MINK1: variants seen among roughly 807,000 people sequenced by gnomAD.
MINK1 encodes misshapen-like kinase 1.
In MINK1, 46 loss-of-function variants were observed where a neutral mutation model predicts 178.4. That is an observed-to-expected ratio of 0.26 (90% CI 0.20 to 0.33). MINK1 has a LOEUF of 0.33. Ranked by LOEUF, MINK1 falls within the 10% of genes least tolerant of loss-of-function variation. The pLI is 1.00. For synonymous variants in MINK1, 797 were observed against 709.7 expected (o/e 1.12, Z -1.96); for missense variants, 1,366 against 1,814.9 (o/e 0.75, Z 4.49).
intron 1 of MINK1, among the ~76,000 whole-genome samples, chr17:4,858,910 T>A (rs989515212): frequency 2.6e-5 from 4 of 151,926 alleles, no homozygotes; most frequent in Non-Finnish European, 4.4e-5. Context: ...ACTAGAGAGG[T>A]CTTCTCCCCT....
chr17:4,890,455 T>C (rs1304896439), intron 13 of MINK1, 62 bp from the exon 14 acceptor site: 2 of 1,531,450 alleles, frequency 1.3e-6, no homozygotes, highest in Non-Finnish European at 8.8e-7. Context: ...AGAGAGGGCA[T>C]GCCTGCTCTA....
intron 1 of MINK1, among the ~76,000 whole-genome samples, chr17:4,846,862 A>G (rs1228691751): frequency 6.6e-6 from 1 of 152,198 alleles, no homozygotes; most frequent in Admixed American, 6.5e-5. Flanking sequence ...AGGTGCCAGC[A>G]GTCGGCCAAG....
At position 4,895,880 on chromosome 17, in the gene MINK1, G is replaced by C. The variant is rs1969400602; in HGVS notation, c.3364+48G>C. 1 of 1,599,630 alleles carries C rather than the reference G, an allele frequency of 6.3e-7. No individual in the cohort carries two copies. Among genetic ancestry groups the C allele is most frequent in the Non-Finnish European group, 8.5e-7 (1 of 1,171,512 alleles). On this transcript the variant is annotated intron_variant, in intron 27 of 31. Transcript: ENST00000355280. The surrounding 1 kb of genome is among the most constrained non-coding windows in gnomAD (Gnocchi z 4.3). ...GCCAGCGCATACTTGTTCATGAAGA[G>C]AGAAATGGATCTGGGAGCCAGGGAC...
chr17:4,892,204 G>T lies in MINK1; in HGVS notation c.2057G>T (p.Gly686Val). 1 of 1,597,924 alleles carries T rather than the reference G, an allele frequency of 6.3e-7. No homozygotes were observed. Among genetic ancestry groups the T allele is most frequent in the South Asian group, 1.1e-5 (1 of 88,440 alleles). ...GCCCTTAACACCAGTGGGGCCGGAGGGTCCCGGCCAGCCCAGGCAGTCCGT... is the reference window on the plus strand; with the variant it reads ...GCCCTTAACACCAGTGGGGCCGGAGTGTCCCGGCCAGCCCAGGCAGTCCGT... ...ATALNTSGAG[G>V]SRPAQAVRAR... Residue 686 changes from glycine (G) to valine (V), a missense_variant, in exon 17 of 32, where the codon GGG (glycine) becomes GTG (valine). Around this residue, in one of 14 missense-constraint regions of MINK1, gnomAD observed 709 missense variants for 692.3 expected, o/e 1.02. Transcript: ENST00000355280.
In MINK1 at chr17:4,896,208, C is replaced by T. The variant is rs1247475016; in HGVS notation, c.3481C>T (p.Pro1161Ser). The T allele has an allele frequency of 3.1e-6, 5 of 1,598,292 alleles. No individual in the cohort carries two copies. The highest frequency in any genetic ancestry group is 1.7e-5 in the Admixed American group (1 of 58,346). Reference protein sequence around the residue: ...FMAFKSFADLPHRPLLVDLTV... With the variant: ...FMAFKSFADLSHRPLLVDLTV... ...TTCTCTGCAGTCCTTTGCCGACCTC[C>T]CCCACCGCCCTCTGCTGGTCGACCT... is the stretch of plus-strand genomic sequence containing the variant. Residue 1161 changes from proline to serine, a missense_variant, in exon 29 of 32, where the codon CCC (proline) becomes TCC (serine). Around this residue, in one of 14 missense-constraint regions of MINK1, gnomAD observed 201 missense variants for 240.7 expected, o/e 0.84. Transcript: ENST00000355280. The surrounding 1 kb of genome is among the most constrained non-coding windows in gnomAD (Gnocchi z 4.6).
chr17:4,880,874 T>A, intron 2 of MINK1, 110 bp from the exon 3 acceptor site: 1 of 1,118,754 alleles, frequency 8.9e-7, no homozygotes, highest in Non-Finnish European at 1.2e-6. Context: ...CACTCTAGTC[T>A]GGGCGACAGA....
chr17:4,891,740 G>C (rs1239367787), intron 16 of MINK1, 24 bp downstream of exon 16: 3 of 1,584,172 alleles, frequency 1.9e-6, no homozygotes, highest in African/African-American at 2.7e-5. Flanking sequence ...TGCAGGCCCA[G>C]GGAAAAGCAG....
At chr17:4,857,139 A>T in intron 1 of MINK1, 1 of 258,068 alleles carries the variant, frequency 3.9e-6, no homozygotes, top group South Asian at 4.3e-5. Flanking sequence ...GTCATCATTC[A>T]GGGAGTTGGC....
Position 4,892,695 on chromosome 17 carries a change from C to T in MINK1, c.2238C>T (p.Arg746=). The T allele has an allele frequency of 6.2e-7, 1 of 1,611,876 alleles. No homozygotes were observed. The change falls in exon 19 of 32, where the codon CGC becomes CGT. Residue 746 remains arginine (R), a synonymous_variant. Transcript: ENST00000355280. ...GGAGGAGCGACCCTGGCTGGGAACG[C>T]TCGGACAGCGTCCTTCCAGCCTCTC... The part of the protein sequence containing the change: ...DLRRSDPGWE[R]SDSVLPASHG...
At chr17:4,849,548 T>C (rs1451689827) in intron 1 of MINK1, among the ~76,000 whole-genome samples, 1 of 147,946 alleles carries the variant, frequency 6.8e-6, no homozygotes, top group Admixed American at 6.7e-5. Flanking sequence ...TGGCTAACTC[T>C]TGCCTGTCCC....
Position 4,890,523 on chromosome 17 carries a change from A to C in MINK1, c.1354A>C (p.Lys452Gln). 6.3e-7 allele frequency: 1 copy of C among 1,588,346 alleles called. No homozygotes were observed. Among genetic ancestry groups the C allele is most frequent in the Non-Finnish European group, 8.6e-7 (1 of 1,168,026 alleles). Reference sequence around the variant, plus strand: ...TCCCTACCCTTGGGCCCAGGAATACAAGCGGAAGCAGCTGGAGGAGCAGCG... The same window carrying C: ...TCCCTACCCTTGGGCCCAGGAATACCAGCGGAAGCAGCTGGAGGAGCAGCG... The part of the protein sequence containing the change: ...RRQAEREQEY[K>Q]RKQLEEQRQS... The change falls in exon 14 of 32, where the codon AAG becomes CAG. Residue 452 changes from lysine to glutamine, a missense_variant. Transcript: ENST00000355280.
intron 1 of MINK1, among the ~76,000 whole-genome samples, chr17:4,869,898 G>A (rs556759824): frequency 1.2e-3 from 174 of 146,128 alleles, no homozygotes; most frequent in Non-Finnish European, 2.2e-3. Flanking sequence ...GTGCAGTGGC[G>A]CAATTTTTTT....
Position 4,833,597 on chromosome 17 carries a change from C to T in MINK1, c.14C>T (p.Ala5Val). Residue 5 changes from alanine to valine, a missense_variant, in exon 1 of 32, where the codon GCC becomes GTC. This residue lies in a region of MINK1 where 22 missense variants were observed against 21.7 expected (regional missense o/e 1.01). Coordinates refer to ENST00000355280, the MANE Select transcript of MINK1 (RefSeq NM_153827.5). This position sits in a 1 kb window ranked among gnomAD's most constrained non-coding sequence, Gnocchi z 4.8. MGDP[A>V]PARSLDDIDL... ...CCCACGGAGGCCATGGGCGACCCAGCCCCCGCCCGCAGCCTGGACGACATC... is the reference window on the plus strand; with the variant it reads ...CCCACGGAGGCCATGGGCGACCCAGTCCCCGCCCGCAGCCTGGACGACATC... 6.7e-7 allele frequency: 1 copy of T among 1,499,326 alleles called. No homozygotes were observed. Among genetic ancestry groups the T allele is most frequent in the Non-Finnish European group, 8.8e-7 (1 of 1,130,492 alleles). 92.9% of individuals were successfully genotyped at this position (1,499,326 alleles called of 1,614,324 possible).
chr17:4,875,478 A>G, intron 1 of MINK1: 1 of 453,918 alleles, frequency 2.2e-6, no homozygotes, highest in Non-Finnish European at 4.4e-6. Context: ...TGACTCTAAA[A>G]AAACAAAAAT....
chr17:4,877,661 T>A (rs1967304160), intron 1 of MINK1, among the ~76,000 whole-genome samples: 1 of 151,908 alleles, frequency 6.6e-6, no homozygotes, highest in East Asian at 1.9e-4. Flanking sequence ...ATTTCTTCAC[T>A]TAAAATGTGA....
chr17:4,866,848 C>T (rs1915059667), intron 1 of MINK1, among the ~76,000 whole-genome samples: 3 of 151,470 alleles, frequency 2.0e-5, no homozygotes, highest in African/African-American at 7.3e-5. Context: ...CCGAGGCAGG[C>T]GGATCACGAG....
Position 4,891,569 on chromosome 17 carries a change from C to T in MINK1, c.1854C>T (p.Asp618=), listed in dbSNP as rs765780648. The change falls in exon 16 of 32, where the codon GAC becomes GAT. Residue 618 remains aspartate (D), a synonymous_variant. Transcript: ENST00000355280. ...TGGCTGCCTTCCCAGCCTCCCATGA[C>T]CCCGACCCTGCCATCCCCGCACCCA... ...RNLAAFPASH[D]PDPAIPAPTA... 5.6e-6 allele frequency: 9 copies of T among 1,607,236 alleles called. No individual in the cohort carries two copies. The highest frequency in any genetic ancestry group is 1.1e-5 in the South Asian group (1 of 89,594).
In MINK1 at chr17:4,891,553, T is replaced by A; in HGVS notation, c.1838T>A (p.Phe613Tyr). 1 of 1,608,386 alleles carries A rather than the reference T, an allele frequency of 6.2e-7. No homozygotes were observed. The highest frequency in any genetic ancestry group is 1.1e-5 in the South Asian group (1 of 89,794). Reference sequence around the variant, plus strand: ...CAGCCCACCCGAAACCTGGCTGCCTTCCCAGCCTCCCATGACCCCGACCCT... The same window carrying A: ...CAGCCCACCCGAAACCTGGCTGCCTACCCAGCCTCCCATGACCCCGACCCT... Reference protein sequence around the residue: ...QDQPTRNLAAFPASHDPDPAI... With the variant: ...QDQPTRNLAAYPASHDPDPAI... Residue 613 changes from phenylalanine to tyrosine, a missense_variant, in exon 16 of 32, where the codon TTC (phenylalanine) becomes TAC (tyrosine). This residue lies in a region of MINK1 where 709 missense variants were observed against 692.3 expected (regional missense o/e 1.02). Transcript: ENST00000355280.
At chr17:4,840,089 T>C (rs1909986122) in intron 1 of MINK1, among the ~76,000 whole-genome samples, 1 of 152,100 alleles carries the variant, frequency 6.6e-6, no homozygotes, top group Admixed American at 6.6e-5. Context: ...CTGAGGGCTG[T>C]GTCATGGAAA....
Sources: gnomAD v4.1 joint callset for allele counts (sites outside exome capture counted in the v4.1 genomes callset) on GRCh38, gnomAD v4.1.1 for gene constraint, gnomAD v4.1.1 regional missense constraint, Gnocchi (gnomAD v3.1) non-coding constraint, MANE v1.5 for transcripts, NCBI Gene and HGNC (gene_info 2026-07-23, HGNC 2026-07-21) for gene names.